SNX29: variants seen among roughly 807,000 people sequenced by gnomAD.
SNX29 encodes sorting nexin-29.
A neutral mutation model predicts 102.1 loss-of-function variants in SNX29; 78 were observed. That is an observed-to-expected ratio of 0.76 (90% confidence interval 0.64 to 0.92). The LOEUF (loss-of-function observed/expected upper bound fraction) is 0.92. SNX29 is among the 40% of genes least tolerant of loss of function. The probability of loss-of-function intolerance (pLI) is 0.00; values close to 1 mark genes in which losing one functional copy is unlikely to be tolerated. For missense variants in SNX29, 1,280 were observed against 1,061.7 expected (o/e 1.21, Z -2.86); for synonymous variants, 580 against 414.5 (o/e 1.40, Z -4.85).
intron 16 of SNX29, among the ~76,000 whole-genome samples, chr16:12,376,242 C>T (rs1207140989): frequency 6.6e-6 from 1 of 152,136 alleles, no homozygotes; most frequent in Non-Finnish European, 1.5e-5. Context: ...CGCCACGTCC[C>T]TGGCACCTTT....
At chr16:12,024,621 G>A (rs1036985761) in intron 3 of SNX29, among the ~76,000 whole-genome samples, 1 of 152,194 alleles carries the variant, frequency 6.6e-6, no homozygotes, top group Non-Finnish European at 1.5e-5. Context: ...GTTGTGACCT[G>A]TGTGCCTCTG....
intron 3 of SNX29, among the ~76,000 whole-genome samples, 166 bp downstream of exon 3, chr16:12,003,209 A>G (rs2056350399): frequency 6.6e-6 from 1 of 152,074 alleles, no homozygotes; most frequent in Non-Finnish European, 1.5e-5. Flanking sequence ...AATTTGACTC[A>G]ACCGTGGACT....
chr16:12,182,687 T>C (rs960366825), intron 13 of SNX29, among the ~76,000 whole-genome samples: 1 of 152,096 alleles, frequency 6.6e-6, no homozygotes, highest in Non-Finnish European at 1.5e-5. Context: ...CCCAGCACTT[T>C]GGGACGCTGA....
At chr16:12,489,117 A>G (rs1289012962) in intron 19 of SNX29, among the ~76,000 whole-genome samples, 1 of 152,174 alleles carries the variant, frequency 6.6e-6, no homozygotes. Flanking sequence ...TTAAAATCAC[A>G]ACTTAGAAGA....
At chr16:12,331,949 A>G (rs60011426) in intron 15 of SNX29, among the ~76,000 whole-genome samples, 9,051 of 152,154 alleles carry the variant, frequency 0.059, 597 homozygotes, top group African/African-American at 0.16. Context: ...AGTCCCAGCT[A>G]CTTGGGAGGC....
chr16:12,364,196 ATGTTATGTTATGTTAT>A (rs1486692839), intron 16 of SNX29, among the ~76,000 whole-genome samples: 3 of 151,236 alleles, frequency 2.0e-5, no homozygotes, highest in South Asian at 2.1e-4. Flanking sequence ...ATGTTATGTT[ATGTTATGTTATGTTAT>A]GTTATTTTTG....
In SNX29 at chr16:12,316,555, A is replaced by C. The variant is rs183767620; in HGVS notation, c.1782+38519A>C. On this transcript the variant is annotated intron_variant, in intron 15 of 20. Coordinates refer to ENST00000566228, the MANE Select transcript of SNX29 (RefSeq NM_032167.5). ...GAAACTCCATTTCAAAAAACAACAA[A>C]AAAAGTCCTCTTCTTACCCAAATCG... 2.6e-3 allele frequency among the ~76,000 whole-genome samples: 390 copies of C among 152,164 alleles called. 2 individuals are homozygous for C. The highest frequency in any genetic ancestry group is 8.6e-3 in the African/African-American group (356 of 41,522).
rs191445694 is a variant in SNX29 at position 12,091,549 on chromosome 16, G to T, written c.1402+12634G>T. ...TGCCTGCAATCCCAGCACTTTGGGA[G>T]GCTGAGGCAGGAGGATTGCTTGATC... On this transcript the variant is annotated intron_variant, in intron 11 of 20. Coordinates refer to ENST00000566228, the MANE Select transcript of SNX29 (RefSeq NM_032167.5). Among the ~76,000 whole-genome samples the T allele has an allele frequency of 1.1e-4, 16 of 151,652 alleles. No individual in the cohort carries two copies. In the East Asian group the frequency reaches 2.9e-3, roughly 28 times the overall value.
intron 13 of SNX29, among the ~76,000 whole-genome samples, chr16:12,176,631 G>C (rs553951095): frequency 6.6e-6 from 1 of 152,188 alleles, no homozygotes; most frequent in East Asian, 1.9e-4. Context: ...CGGGGGATGT[G>C]TTTAGGCTAT....
intron 20 of SNX29, among the ~76,000 whole-genome samples, chr16:12,550,749 T>TA (rs2077923177): frequency 6.6e-6 from 1 of 151,974 alleles, no homozygotes; most frequent in African/African-American, 2.4e-5. Context: ...AAAAAGGTGA[T>TA]AAAATAGTTG....
intron 11 of SNX29, among the ~76,000 whole-genome samples, chr16:12,083,069 C>T (rs1009347650): frequency 7.2e-5 from 11 of 151,918 alleles, no homozygotes; most frequent in African/African-American, 2.4e-4. Flanking sequence ...TTTGGGAGGC[C>T]GAGGTGGGGG....
chr16:11,994,024 G>C (rs1596545074), intron 1 of SNX29, among the ~76,000 whole-genome samples: 2 of 152,172 alleles, frequency 1.3e-5, no homozygotes, highest in African/African-American at 4.8e-5. Context: ...GGGAGGCTGA[G>C]GCAGGATAAT....
At chr16:12,259,767 A>AT (rs2078678855) in intron 14 of SNX29, among the ~76,000 whole-genome samples, 1 of 152,054 alleles carries the variant, frequency 6.6e-6, no homozygotes, top group Non-Finnish European at 1.5e-5. Flanking sequence ...GGGAACCGAG[A>AT]CCCACGAATC....
Position 12,558,356 on chromosome 16 carries a change from C to T in SNX29, c.2319-10150C>T, listed in dbSNP as rs549158595. On this transcript the variant is annotated intron_variant, in intron 20 of 20. Coordinates refer to ENST00000566228, the MANE Select transcript of SNX29 (RefSeq NM_032167.5). ...AGAGACAAAGAGGCCCCCTCAGCATCACAGCCATTGGTAACCATCGGAATT... is the reference window on the plus strand; with the variant it reads ...AGAGACAAAGAGGCCCCCTCAGCATTACAGCCATTGGTAACCATCGGAATT... 5.9e-5 allele frequency among the ~76,000 whole-genome samples: 9 copies of T among 152,286 alleles called. No homozygotes were observed. The South Asian group carries it at 1.9e-3, about 32-fold the overall frequency.
intron 18 of SNX29, among the ~76,000 whole-genome samples, chr16:12,473,302 AT>A (rs774767125): frequency 8.0e-4 from 122 of 152,296 alleles, no homozygotes; most frequent in Admixed American, 1.4e-3. Context: ...ATTTTGAGTA[AT>A]TTTAATGGCA....
At chr16:12,244,926 G>C (rs1038032086) in intron 14 of SNX29, among the ~76,000 whole-genome samples, 2 of 152,170 alleles carry the variant, frequency 1.3e-5, no homozygotes, top group African/African-American at 2.4e-5. Context: ...TCTCCTTTCA[G>C]ATTTGTTTTG....
intron 1 of SNX29, among the ~76,000 whole-genome samples, chr16:11,983,103 T>C (rs900157272): frequency 6.6e-6 from 1 of 152,024 alleles, no homozygotes; most frequent in African/African-American, 2.4e-5. Context: ...GCTAATTTTT[T>C]GTATTTTTAG....
chr16:12,272,581 C>G (rs1468108760), intron 14 of SNX29, among the ~76,000 whole-genome samples: 1 of 152,238 alleles, frequency 6.6e-6, no homozygotes, highest in African/African-American at 2.4e-5. Context: ...AGGCTCCCCT[C>G]AAATTCTGAT....
At chr16:12,390,987 C>T (rs1275846027) in intron 16 of SNX29, among the ~76,000 whole-genome samples, 2 of 152,228 alleles carry the variant, frequency 1.3e-5, no homozygotes, top group East Asian at 1.9e-4. Context: ...ACTCTGTCAC[C>T]ATGGCTGGGG....
Sources: allele counts gnomAD v4.1 joint callset (sites outside exome capture counted in the v4.1 genomes callset), GRCh38; gene constraint gnomAD v4.1.1; transcripts MANE v1.5; gene names NCBI Gene and HGNC (gene_info 2026-07-23, HGNC 2026-07-21).